Variants in CLCN5 observed in about 807,000 individuals in gnomAD.
The protein encoded by CLCN5 is H(+)/Cl(-) exchange transporter 5.
Under a neutral mutation model 54.0 loss-of-function variants are expected in CLCN5, and 17 were observed. The ratio of observed to expected loss-of-function variants is 0.31; its 90% CI spans 0.22 to 0.47. The LOEUF (loss-of-function observed/expected upper bound fraction) is 0.47. Among genes scored for constraint, CLCN5 ranks in the 20% least tolerant of loss-of-function variants. CLCN5 has a pLI of 1.00. For missense variants in CLCN5, 448 were observed against 646.7 expected, an observed-to-expected ratio of 0.69 and a Z score of 3.33; for synonymous variants, 222 against 233.0, an observed-to-expected ratio of 0.95 and a Z score of 0.43.
intron 3 of CLCN5, among the ~76,000 whole-genome samples, chrX:49,953,551 C>G (rs1927162111): frequency 8.9e-6 from 1 of 111,822 alleles, no homozygotes; most frequent in South Asian, 3.7e-4. Context: ...AGCCGTCTTC[C>G]TGCCTCGGCC....
chrX:50,002,675 CTCTCTCTGTGTG>C (rs1224029123), intron 3 of CLCN5, among the ~76,000 whole-genome samples: 4 of 100,023 alleles, frequency 4.0e-5, no homozygotes, highest in Non-Finnish European at 8.0e-5. Context: ...CTCTCTCTCT[CTCTCTCTGTGTG>C]TGTGTGTGTG....
At chrX:50,007,397 T>TCTCTC (rs1930216491) in intron 3 of CLCN5, among the ~76,000 whole-genome samples, 16 of 64,402 alleles carry the variant, frequency 2.5e-4, no homozygotes, top group Admixed American at 3.6e-4. Context: ...CTCTCTCTCT[T>TCTCTC]TCTCTCTCTC....
At chrX:49,995,699 G>A (rs782532082) in intron 3 of CLCN5, among the ~76,000 whole-genome samples, 3 of 112,172 alleles carry the variant, frequency 2.7e-5, no homozygotes, top group Non-Finnish European at 5.6e-5. Context: ...TAGTGTAACT[G>A]TGTCTATTTT....
At chrX:50,014,548 C>CA (rs1557183180) in intron 3 of CLCN5, 1 of 331,658 alleles carries the variant, frequency 3.0e-6, no homozygotes, top group Non-Finnish European at 6.0e-6. Flanking sequence ...AGCTGTGTAA[C>CA]AGAGAACCTT....
At chrX:49,961,287 AGAT>A (rs201741840) in intron 3 of CLCN5, among the ~76,000 whole-genome samples, 4 of 112,037 alleles carry the variant, frequency 3.6e-5, no homozygotes, top group South Asian at 3.7e-4. Context: ...ATTACAGATG[AGAT>A]GATGATGATG....
intron 3 of CLCN5, among the ~76,000 whole-genome samples, chrX:49,994,917 C>T (rs576668767): frequency 3.6e-5 from 4 of 112,044 alleles, no homozygotes; most frequent in Admixed American, 9.5e-5. Context: ...ATTAGCCTCT[C>T]GCTCTTGAGG....
intron 3 of CLCN5, among the ~76,000 whole-genome samples, chrX:49,993,782 A>G (rs1354263696): frequency 1.8e-5 from 2 of 111,886 alleles, no homozygotes; most frequent in African/African-American, 6.5e-5. Context: ...CTGGCCCAGT[A>G]ACACAAGTCT....
At chrX:50,054,657 CTT>C (rs1932688277) in intron 4 of CLCN5, 1 of 112,111 alleles carries the variant, frequency 8.9e-6, no homozygotes, top group Non-Finnish European at 1.9e-5. Flanking sequence ...AGCTGTGTCT[CTT>C]TGAATAAGCT....
intron 4 of CLCN5, among the ~76,000 whole-genome samples, chrX:50,049,246 C>T (rs782638577): frequency 8.9e-6 from 1 of 111,988 alleles, no homozygotes; most frequent in East Asian, 2.8e-4. Flanking sequence ...TATGTTTAGA[C>T]ACATACTTAC....
chrX:50,060,233 C>A (rs1304392667), intron 4 of CLCN5, among the ~76,000 whole-genome samples: 1 of 110,821 alleles, frequency 9.0e-6, no homozygotes, highest in Non-Finnish European at 1.9e-5. Flanking sequence ...TTCTGCATTT[C>A]CATCTGAGGT....
intron 3 of CLCN5, chrX:50,013,419 T>G: frequency 3.8e-6 from 1 of 265,401 alleles, no homozygotes; most frequent in Non-Finnish European, 7.5e-6. Context: ...AGTACCCTGC[T>G]AAATAATGGA....
chrX:49,936,402 A>G (rs1302582573), intron 3 of CLCN5, among the ~76,000 whole-genome samples: 2 of 111,626 alleles, frequency 1.8e-5, no homozygotes, highest in African/African-American at 6.5e-5. Context: ...TTTCTCTTCT[A>G]TGCTAAATCT....
At chrX:49,964,101 C>T (rs782425021) in intron 3 of CLCN5, among the ~76,000 whole-genome samples, 3 of 112,029 alleles carry the variant, frequency 2.7e-5, no homozygotes, top group South Asian at 7.4e-4. Flanking sequence ...CAAACGATGT[C>T]GAGAAAAATT....
intron 7 of CLCN5, among the ~76,000 whole-genome samples, chrX:50,078,783 G>A (rs1242804551): frequency 8.9e-6 from 1 of 112,239 alleles, no homozygotes; most frequent in South Asian, 3.6e-4. Context: ...TTTTATGAAC[G>A]AAATCCTTCC....
At chrX:49,977,745 T>C (rs1253838982) in intron 3 of CLCN5, among the ~76,000 whole-genome samples, 2 of 112,027 alleles carry the variant, frequency 1.8e-5, no homozygotes, top group African/African-American at 6.5e-5. Flanking sequence ...CCCTCTCATC[T>C]CCTAGTGTCT....
Position 50,088,860 on chromosome X carries a change from A to G in CLCN5, c.1720A>G (p.Met574Val). 1.7e-6 allele frequency: 2 copies of G among 1,211,107 alleles called. No homozygotes were observed. ...TTGCATCACCCCCGGCCTTTATGCA[A>G]TGGTTGGGGCTGCAGCCTGCTTAGG... ...ADCITPGLYA[M>V]VGAAACLGGV... The change falls in exon 12 of 15, where the codon ATG becomes GTG. Residue 574 changes from methionine (M) to valine (V), a missense_variant. Met to Val is a conservative substitution (Grantham distance 21). Around this residue, in one of 5 missense-constraint regions of CLCN5, gnomAD observed 297 missense variants for 470.4 expected, o/e 0.63. Coordinates refer to ENST00000376091, the MANE Select transcript of CLCN5 (RefSeq NM_001127898.4).
intron 3 of CLCN5, among the ~76,000 whole-genome samples, chrX:50,032,992 G>T (rs374877986): frequency 4.5e-5 from 5 of 111,202 alleles, no homozygotes; most frequent in South Asian, 3.8e-4. Context: ...TTTCCCCATT[G>T]CTTGTTTTTG....
At chrX:50,003,233 G>A (rs1557180834) in intron 3 of CLCN5, 3 of 381,074 alleles carry the variant, frequency 7.9e-6, no homozygotes, top group Admixed American at 2.5e-5. Context: ...GCAGAAGAGC[G>A]AGCCTTCTCT....
chrX:50,055,705 A>G (rs1169945836), intron 4 of CLCN5, among the ~76,000 whole-genome samples: 4 of 111,967 alleles, frequency 3.6e-5, no homozygotes, highest in Non-Finnish European at 7.5e-5. Context: ...AAAATGTGAA[A>G]GTCTCCCTTG....
Sources: gnomAD v4.1 joint callset for allele counts (sites outside exome capture counted in the v4.1 genomes callset) on GRCh38, gnomAD v4.1.1 for gene constraint, gnomAD v4.1.1 regional missense constraint, MANE v1.5 for transcripts, NCBI Gene and HGNC (gene_info 2026-07-23, HGNC 2026-07-21) for gene names.